The following DSCAML1 variants were observed in gnomAD, a reference collection of about 807,000 sequenced individuals.
The protein encoded by DSCAML1 is cell adhesion molecule DSCAML1.
A neutral mutation model predicts 200.5 loss-of-function variants in DSCAML1; 38 were observed. The observed-to-expected ratio is 0.19, with a 90% CI of 0.15 to 0.25. The LOEUF is 0.25. Among genes scored for constraint, DSCAML1 ranks in the 10% least tolerant of loss-of-function variants. DSCAML1 has a pLI of 1.00. For synonymous variants in DSCAML1, 1,215 were observed against 1,165.0 expected (o/e 1.04, Z -0.87); for missense variants, 2,223 against 2,858.8 (o/e 0.78, Z 5.07).
intron 11 of DSCAML1, among the ~76,000 whole-genome samples, chr11:117,500,990 G>T (rs2049382661): frequency 6.6e-6 from 1 of 152,168 alleles, no homozygotes; most frequent in African/African-American, 2.4e-5. Context: ...CTTTGCAAAT[G>T]GTAGATCTTT....
At position 117,670,722 on chromosome 11, in the gene DSCAML1, G is replaced by T. The variant is rs566176354; in HGVS notation, c.511+106069C>A. ...GAAAGGGCTGTGCCTCTGTGCTTGG[G>T]TAACGTTTCATCCTTACTTCTATTG... is the stretch of plus-strand genomic sequence containing the variant. On this transcript the variant is annotated intron_variant, in intron 3 of 32. Coordinates refer to ENST00000651296, the MANE Select transcript of DSCAML1 (RefSeq NM_020693.4). Among the ~76,000 whole-genome samples, 6 of 152,246 alleles carry T rather than the reference G, an allele frequency of 3.9e-5. No individual in the cohort carries two copies. In the East Asian group the frequency reaches 1.2e-3, roughly 29 times the overall value.
Position 117,439,324 on chromosome 11 carries a change from C to G in DSCAML1, c.4086G>C (p.Thr1362=). ...AVKAEDSGYY[T]CTATNTGGFD... is the part of the protein sequence containing the mutation. ...AGCCACCAGTGTTGGTGGCCGTGCACGTGTAGTAGCCAGAGTCCTCAGCCT... is the reference window on the plus strand; with the variant it reads ...AGCCACCAGTGTTGGTGGCCGTGCAGGTGTAGTAGCCAGAGTCCTCAGCCT... The change falls in exon 23 of 33, where the codon ACG becomes ACC. Residue 1362 remains threonine (T), a synonymous_variant. Coordinates refer to ENST00000651296, the MANE Select transcript of DSCAML1 (RefSeq NM_020693.4). 6.2e-7 allele frequency: 1 copy of G among 1,614,064 alleles called. No individual in the cohort carries two copies. Among genetic ancestry groups the G allele is most frequent in the Non-Finnish European group, 8.5e-7 (1 of 1,180,010 alleles).
At chr11:117,747,494 GA>G (rs1464694469) in intron 3 of DSCAML1, among the ~76,000 whole-genome samples, 1 of 152,092 alleles carries the variant, frequency 6.6e-6, no homozygotes. Flanking sequence ...GCACAATACT[GA>G]ACGCAAGGTA....
chr11:117,743,393 C>T (rs1022075869), intron 3 of DSCAML1, among the ~76,000 whole-genome samples: 6 of 152,110 alleles, frequency 3.9e-5, no homozygotes, highest in African/African-American at 7.2e-5. Flanking sequence ...CAGTTGTGAC[C>T]GACATAAACT....
At chr11:117,552,156 G>A (rs1295038837) in intron 3 of DSCAML1, among the ~76,000 whole-genome samples, 1 of 151,980 alleles carries the variant, frequency 6.6e-6, no homozygotes, top group African/African-American at 2.4e-5. Flanking sequence ...GACCCGTAGA[G>A]TAAAAACCCT....
intron 3 of DSCAML1, among the ~76,000 whole-genome samples, chr11:117,665,995 G>A (rs1224124793): frequency 6.6e-6 from 1 of 152,194 alleles, no homozygotes; most frequent in Non-Finnish European, 1.5e-5. Flanking sequence ...CCTGCGTGAG[G>A]ATTGAGGAAG....
chr11:117,703,007 A>C (rs2053695312), intron 3 of DSCAML1, among the ~76,000 whole-genome samples: 1 of 152,246 alleles, frequency 6.6e-6, no homozygotes, highest in South Asian at 2.1e-4. Context: ...AAATTAGCAG[A>C]GCAAACTTGC....
At chr11:117,786,075 C>T (rs925967688) in intron 1 of DSCAML1, among the ~76,000 whole-genome samples, 1 of 152,164 alleles carries the variant, frequency 6.6e-6, no homozygotes, top group Non-Finnish European at 1.5e-5. Flanking sequence ...CCTTCCCCTC[C>T]AATCCCAGCC....
At chr11:117,732,915 T>A (rs775166487) in intron 3 of DSCAML1, among the ~76,000 whole-genome samples, 1 of 152,196 alleles carries the variant, frequency 6.6e-6, no homozygotes, top group Admixed American at 6.5e-5. Context: ...AAAAAAATTA[T>A]ATGCTTGAAA....
intron 14 of DSCAML1, among the ~76,000 whole-genome samples, chr11:117,478,634 G>A (rs760904402): frequency 2.0e-5 from 3 of 152,160 alleles, no homozygotes; most frequent in East Asian, 1.9e-4. Context: ...AGCTCAGCCC[G>A]GACGCCTCCC....
In DSCAML1 at chr11:117,501,707, C is replaced by T. The variant is rs191959381; in HGVS notation, c.2359+2138G>A. On this transcript the variant is annotated intron_variant, in intron 11 of 32. Transcript: ENST00000651296. ...TGGAGAGCAGCCCATCTGAGAGCCA[C>T]GCAGGAGCCATGAGTGGGTGTTGAG... Among the ~76,000 whole-genome samples the T allele has an allele frequency of 2.6e-3, 394 of 152,096 alleles. 6 individuals carry two copies. The highest frequency in any genetic ancestry group is 3.4e-3 in the Middle Eastern group (1 of 294).
Position 117,428,383 on chromosome 11 carries a change from C to T in DSCAML1, c.6107G>A (p.Gly2036Glu), listed in dbSNP as rs1592553482. The T allele has an allele frequency of 6.3e-7, 1 of 1,591,806 alleles. No individual in the cohort carries two copies. The highest frequency in any genetic ancestry group is 8.5e-7 in the Non-Finnish European group (1 of 1,171,782). ...CCCGGCCCCCTGCTTCTGAGACCTC[C>T]CTACCCCCGATGTGCTCATCTCGAG... is the stretch of plus-strand genomic sequence containing the variant. ...SLLEMSTSGV[G>E]RSQKQGAGAY... Residue 2036 changes from glycine to glutamate, a missense_variant, in exon 33 of 33, where the codon GGG becomes GAG. Gly to Glu is a moderately conservative substitution (Grantham distance 98, BLOSUM62 -2). Coordinates refer to ENST00000651296, the MANE Select transcript of DSCAML1 (RefSeq NM_020693.4).
At chr11:117,443,779 T>C in intron 21 of DSCAML1, 107 bp downstream of exon 21, 1 of 1,448,340 alleles carries the variant, frequency 6.9e-7, no homozygotes, top group Non-Finnish European at 9.2e-7. Context: ...CACAGCTGGG[T>C]GGCAGATAAA....
chr11:117,606,343 C>T (rs2051565930), intron 3 of DSCAML1, among the ~76,000 whole-genome samples: 2 of 152,178 alleles, frequency 1.3e-5, no homozygotes, highest in South Asian at 2.1e-4. Context: ...GAGAAGTTCT[C>T]GCGGCCTCAG....
intron 1 of DSCAML1, among the ~76,000 whole-genome samples, chr11:117,790,057 G>A (rs984324869): frequency 1.3e-5 from 2 of 152,124 alleles, no homozygotes; most frequent in African/African-American, 4.8e-5. Flanking sequence ...CCCAACGCAG[G>A]GGTCCTATCC....
At chr11:117,476,650 T>G (rs1350549230) in intron 14 of DSCAML1, among the ~76,000 whole-genome samples, 1 of 152,230 alleles carries the variant, frequency 6.6e-6, no homozygotes, top group African/African-American at 2.4e-5. Context: ...GGTGTCTGCA[T>G]TTTTAAATCT....
chr11:117,705,530 T>C (rs990877890), intron 3 of DSCAML1, among the ~76,000 whole-genome samples: 1 of 152,214 alleles, frequency 6.6e-6, no homozygotes, highest in Non-Finnish European at 1.5e-5. Context: ...GGAGATTTCT[T>C]CGAGGTTCAA....
chr11:117,668,799 A>G (rs1386858679), intron 3 of DSCAML1: 3 of 152,234 alleles, frequency 2.0e-5, no homozygotes, highest in Non-Finnish European at 4.4e-5. Context: ...AGGTGCGAAC[A>G]ATAGCCAACT....
intron 3 of DSCAML1, among the ~76,000 whole-genome samples, chr11:117,695,287 CT>C (rs1242558204): frequency 3.1e-5 from 4 of 130,236 alleles, no homozygotes; most frequent in Admixed American, 7.6e-5. Context: ...CAGGGCAGAT[CT>C]TTTTTTTCTT....
Sources: gnomAD v4.1 joint callset for allele counts (sites outside exome capture counted in the v4.1 genomes callset) on GRCh38, gnomAD v4.1.1 for gene constraint, MANE v1.5 for transcripts, NCBI Gene and HGNC (gene_info 2026-07-23, HGNC 2026-07-21) for gene names.